ALS2CL: variants seen among roughly 807,000 people sequenced by gnomAD.
ALS2CL encodes the protein ALS2 C-terminal like.
ALS2CL carries 112 observed loss-of-function variants against 127.9 expected under a neutral mutation model. The ratio of observed to expected loss-of-function variants is 0.88; its 90% CI spans 0.75 to 1.02. The LOEUF is 1.02. Among genes scored for constraint, ALS2CL ranks in the 50% least tolerant of loss-of-function variants. The pLI is 0.00. For synonymous variants in ALS2CL, 519 were observed against 527.6 expected (o/e 0.98, Z 0.22); for missense variants, 1,174 against 1,236.7 (o/e 0.95, Z 0.76).
intron 25 of ALS2CL, among the ~76,000 whole-genome samples, 184 bp from the exon 26 acceptor site, chr3:46,671,248 A>G (rs1034962087): frequency 6.6e-6 from 1 of 152,162 alleles, no homozygotes; most frequent in Non-Finnish European, 1.5e-5. Flanking sequence ...GTGCTTGGGA[A>G]TGCAGCATGG....
Position 46,679,215 on chromosome 3 carries a change from C to A in ALS2CL, c.1621G>T (p.Gly541Trp). 1 of 1,565,226 alleles carries A rather than the reference C, an allele frequency of 6.4e-7. No homozygotes were observed. Among genetic ancestry groups the A allele is most frequent in the African/African-American group, 1.4e-5 (1 of 73,970 alleles). The stretch of plus-strand genomic sequence containing the variant: ...GGGGCCTCAGTGGTCCTCACCTTCC[C>A]CATGAGGGTCAGGTCCCTGGTGAAG... ...GTFTRDLTLM[G>W]KGKVTFPNGF... Residue 541 changes from glycine to tryptophan, a missense_variant, in exon 15 of 26, where the codon GGG (glycine) becomes TGG (tryptophan). Coordinates refer to ENST00000318962, the MANE Select transcript of ALS2CL (RefSeq NM_147129.5).
chr3:46,673,213 C>G, intron 22 of ALS2CL, 126 bp downstream of exon 22: 6 of 615,032 alleles, frequency 9.8e-6, no homozygotes, highest in Non-Finnish European at 1.0e-5. Context: ...AGTGTCTCCT[C>G]CCAACCCACC....
chr3:46,681,216 T>C lies in ALS2CL; in HGVS notation c.1436+30A>G. 6.2e-7 allele frequency: 1 copy of C among 1,613,560 alleles called. No individual in the cohort carries two copies. Among genetic ancestry groups the C allele is most frequent in the Non-Finnish European group, 8.5e-7 (1 of 1,179,804 alleles). On this transcript the variant is annotated intron_variant, in intron 13 of 25. Transcript: ENST00000318962. This position sits in a 1 kb window ranked among gnomAD's most constrained non-coding sequence, Gnocchi z 4.9. ...TGTGAGGGCCCGGTCCACCCCTCCG[T>C]CCTGGGAGTGGTGGCTGCAGGGCGC...
chr3:46,689,510 AG>A, intron 1 of ALS2CL, 45 bp from the exon 2 acceptor site: 1 of 1,320,478 alleles, frequency 7.6e-7, no homozygotes, highest in Non-Finnish European at 1.0e-6. Context: ...GACAGGAGCA[AG>A]GCCAGTGCCC....
intron 4 of ALS2CL, 72 bp downstream of exon 4, chr3:46,687,547 G>T: frequency 6.5e-7 from 1 of 1,544,088 alleles, no homozygotes; most frequent in Non-Finnish European, 8.8e-7. Context: ...CTGGGGAGGG[G>T]GCTTCCCCGA....
chr3:46,679,323 G>A (rs1699133188), intron 14 of ALS2CL, 36 bp from the exon 15 acceptor site: 3 of 1,511,490 alleles, frequency 2.0e-6, no homozygotes, highest in East Asian at 2.4e-5. Flanking sequence ...TAGAAAGGGT[G>A]GGTGAGGAAG....
intron 19 of ALS2CL, 21 bp downstream of exon 19, chr3:46,676,224 C>T: frequency 6.2e-7 from 1 of 1,608,988 alleles, no homozygotes; most frequent in South Asian, 1.1e-5. Context: ...CAGTAGCTGT[C>T]CCGTTTGCCA....
intron 1 of ALS2CL, among the ~76,000 whole-genome samples, chr3:46,690,783 G>A (rs1181872855): frequency 3.3e-5 from 5 of 152,210 alleles, no homozygotes; most frequent in East Asian, 3.9e-4. Flanking sequence ...GACACAGGCA[G>A]ACCCAAAAGG....
chr3:46,678,079 T>C (rs1373890060), intron 16 of ALS2CL, among the ~76,000 whole-genome samples, 180 bp downstream of exon 16: 3 of 151,402 alleles, frequency 2.0e-5, no homozygotes, highest in Admixed American at 2.0e-4. Context: ...CCGCATTATA[T>C]CCACACAGCC....
chr3:46,677,304 G>A (rs1698935575), intron 16 of ALS2CL: 8 of 1,269,834 alleles, frequency 6.3e-6, no homozygotes, highest in Non-Finnish European at 8.0e-6. Context: ...AGATCTGGAG[G>A]CCAAGCCAGA....
At chr3:46,685,308 C>G (rs1037561239) in intron 7 of ALS2CL, among the ~76,000 whole-genome samples, 1 of 152,200 alleles carries the variant, frequency 6.6e-6, no homozygotes, top group African/African-American at 2.4e-5. Flanking sequence ...AGGGCTGAAG[C>G]CGGGACAAAC....
Position 46,685,623 on chromosome 3 carries a change from G to T in ALS2CL, c.688C>A (p.His230Asn). The T allele has an allele frequency of 6.2e-7, 1 of 1,613,786 alleles. No individual in the cohort carries two copies. The highest frequency in any genetic ancestry group is 1.1e-5 in the South Asian group (1 of 91,044). ...TCCTGGCTGTCCTGAAGGAGTCTGT[G>T]AGCAGGGGTGCAGAGCACATCCTGG... ...RLRDVLCTPAHRLLQDSQDVP... is the reference protein window; with the variant it reads ...RLRDVLCTPANRLLQDSQDVP... Residue 230 changes from histidine (H) to asparagine (N), a missense_variant, in exon 7 of 26, where the codon CAC (histidine) becomes AAC (asparagine). Physicochemically the swap from His to Asn is moderately conservative, Grantham distance 68. Coordinates refer to ENST00000318962, the MANE Select transcript of ALS2CL (RefSeq NM_147129.5).
intron 7 of ALS2CL, 117 bp from the exon 8 acceptor site, chr3:46,684,164 C>A: frequency 8.2e-7 from 1 of 1,214,528 alleles, no homozygotes; most frequent in Non-Finnish European, 1.2e-6. Context: ...TTCTGCCCAG[C>A]ATGTCCAGGA....
In ALS2CL at chr3:46,676,983, C is replaced by T; in HGVS notation, c.1797G>A (p.Trp599Ter). The T allele has an allele frequency of 6.2e-7, 1 of 1,611,738 alleles. No homozygotes were observed. The highest frequency in any genetic ancestry group is 8.5e-7 in the Non-Finnish European group (1 of 1,178,828). Residue 599 changes from tryptophan (W) to a stop codon, truncating the protein, a stop_gained, in exon 17 of 26, where the codon TGG (tryptophan) becomes TGA (stop). Transcript: ENST00000318962. LOFTEE classifies it high-confidence loss of function. Reference protein sequence around the residue: ...GVGAFPVESRWQGVYSPFRDF... With the variant: ...GVGAFPVESR ...CCCGGAAGGGGCTGTAGACTCCCTG[C>T]CAGCGGCTTTCCACGGGGAAGGCAC...
At chr3:46,687,170 C>T (rs772746011) in intron 4 of ALS2CL, 22 bp from the exon 5 acceptor site, 31 of 1,510,328 alleles carry the variant, frequency 2.1e-5, no homozygotes, top group Middle Eastern at 4.6e-4. Context: ...GAGGGCCACG[C>T]ACCACCTTCA....
At chr3:46,691,197 G>A (rs1479395286) in intron 1 of ALS2CL, among the ~76,000 whole-genome samples, 2 of 152,162 alleles carry the variant, frequency 1.3e-5, no homozygotes, top group South Asian at 2.1e-4. Flanking sequence ...ACTCTCACCC[G>A]TATCTCCCGA....
intron 14 of ALS2CL, chr3:46,679,700 G>C: frequency 6.3e-6 from 1 of 158,426 alleles, no homozygotes; most frequent in Admixed American, 6.3e-5. Flanking sequence ...TACAATTAGT[G>C]TTCGGCTTAT....
At chr3:46,671,381 G>A in intron 25 of ALS2CL, 107 bp downstream of exon 25, 1 of 1,514,454 alleles carries the variant, frequency 6.6e-7, no homozygotes, top group East Asian at 2.4e-5. Context: ...CATGAGCTGT[G>A]AATTTGAGCT....
chr3:46,684,897 T>C (rs1192942754), intron 7 of ALS2CL, among the ~76,000 whole-genome samples: 33 of 152,180 alleles, frequency 2.2e-4, no homozygotes, highest in Admixed American at 2.1e-3. Context: ...CCCGGCCACC[T>C]GTCTGCAAGG....
Sources: allele counts gnomAD v4.1 joint callset (sites outside exome capture counted in the v4.1 genomes callset), GRCh38; gene constraint gnomAD v4.1.1; non-coding constraint Gnocchi (gnomAD v3.1); transcripts MANE v1.5; gene names NCBI Gene and HGNC (gene_info 2026-07-23, HGNC 2026-07-21).